The following ERCC6L2 variants were observed in gnomAD, a reference collection of about 807,000 sequenced individuals.
ERCC6L2 encodes the protein ERCC excision repair 6 like 2.
In ERCC6L2, 77 loss-of-function variants were observed where a neutral mutation model predicts 132.0. That is an observed-to-expected ratio of 0.58 (90% CI 0.49 to 0.71). The LOEUF (loss-of-function observed/expected upper bound fraction) is 0.71. ERCC6L2 is among the 30% of genes least tolerant of loss of function. The pLI, the probability that ERCC6L2 is intolerant of heterozygous loss-of-function variation, is 0.00. For synonymous variants in ERCC6L2, 583 were observed against 632.4 expected (o/e 0.92, Z 1.17); for missense variants, 1,542 against 1,837.6 (o/e 0.84, Z 2.94).
chr9:95,881,707 A>T (rs1290766019), intron 2 of ERCC6L2, among the ~76,000 whole-genome samples: 1 of 152,182 alleles, frequency 6.6e-6, no homozygotes, highest in East Asian at 1.9e-4. Context: ...ATCATGTTAG[A>T]AGTTTCTTAA....
At chr9:95,910,666 AGACCATTCACTTTGAAT>A (rs1329006332) in intron 4 of ERCC6L2, among the ~76,000 whole-genome samples, 1 of 152,172 alleles carries the variant, frequency 6.6e-6, no homozygotes, top group Non-Finnish European at 1.5e-5. Flanking sequence ...TTGGGTATTT[AGACCATTCACTTTGAAT>A]ATAATTATTG....
chr9:96,014,664 G>A lies in ERCC6L2; in HGVS notation c.*1461G>A, dbSNP rs1216774449. The A allele has an allele frequency of 6.6e-6, 1 of 152,202 alleles. No individual in the cohort carries two copies. Among genetic ancestry groups the A allele is most frequent in the South Asian group, 2.1e-4 (1 of 4,832 alleles). 9.4% of individuals were successfully genotyped at this position (152,202 alleles called of 1,614,324 possible). On this transcript the variant is annotated 3_prime_UTR_variant, in exon 19 of 19. Coordinates refer to ENST00000653738, the MANE Select transcript of ERCC6L2 (RefSeq NM_020207.7). ...TGTGTTAATCCTCTCACAACCCACT[G>A]AATTGAATTTCATGGCCCATGGTTA... is the stretch of plus-strand genomic sequence containing the variant.
At chr9:95,941,618 AG>A (rs1830806072) in intron 12 of ERCC6L2, 69 bp downstream of exon 12, 2 of 1,182,880 alleles carry the variant, frequency 1.7e-6, no homozygotes, top group Non-Finnish European at 2.5e-6. Flanking sequence ...TGAACTTTTA[AG>A]GTTGCTTATA....
chr9:96,015,333 G>A lies in ERCC6L2; in HGVS notation c.*2130G>A, dbSNP rs185533079. On this transcript the variant is annotated 3_prime_UTR_variant, in exon 19 of 19. Coordinates refer to ENST00000653738, the MANE Select transcript of ERCC6L2 (RefSeq NM_020207.7). The stretch of plus-strand genomic sequence containing the variant: ...CCCGAGTAGCTGGGACTACAGGTGC[G>A]TGCCACCACGCCCAGCTAATTTTTT... Among the ~76,000 whole-genome samples, 669 of 151,652 alleles carry A rather than the reference G, an allele frequency of 4.4e-3. 9 individuals carry two copies. Among genetic ancestry groups the A allele is most frequent in the African/African-American group, 0.015 (618 of 41,432 alleles).
At chr9:95,987,764 C>G (rs559824289) in intron 17 of ERCC6L2, among the ~76,000 whole-genome samples, 45 of 152,350 alleles carry the variant, frequency 3.0e-4, no homozygotes, top group African/African-American at 1.0e-3. Context: ...ATTGGGAACT[C>G]TGTGTGGGGA....
chr9:95,906,310 T>C (rs896513803), intron 3 of ERCC6L2, among the ~76,000 whole-genome samples: 3 of 152,140 alleles, frequency 2.0e-5, no homozygotes, highest in Non-Finnish European at 2.9e-5. Context: ...CTGGGAAATA[T>C]TCTAACATGC....
intron 12 of ERCC6L2, among the ~76,000 whole-genome samples, chr9:95,945,953 C>G (rs1831040342): frequency 6.6e-6 from 1 of 151,730 alleles, no homozygotes; most frequent in African/African-American, 2.4e-5. Flanking sequence ...CAGGTTTATG[C>G]TTATTATGAA....
intron 4 of ERCC6L2, among the ~76,000 whole-genome samples, chr9:95,913,895 A>G (rs1417092560): frequency 1.1e-4 from 17 of 152,208 alleles, no homozygotes; most frequent in Admixed American, 1.1e-3. Context: ...TATTTTGTCC[A>G]TTCACCAGCT....
At chr9:95,993,605 G>C (rs113977252) in intron 17 of ERCC6L2, among the ~76,000 whole-genome samples, 2 of 152,146 alleles carry the variant, frequency 1.3e-5, no homozygotes, top group Admixed American at 1.3e-4. Flanking sequence ...AAGTGATGCT[G>C]AATTTCCACA....
chr9:95,877,613 C>T (rs780870001), intron 1 of ERCC6L2, among the ~76,000 whole-genome samples: 17 of 152,000 alleles, frequency 1.1e-4, no homozygotes, highest in Admixed American at 1.3e-4. Flanking sequence ...TGAGGCCAGC[C>T]TGGACAACAT....
rs1177507899 is a variant in ERCC6L2, at chr9:95,897,920, G to GT, written c.548dup (p.Leu183PhefsTer33). 6.2e-7 allele frequency: 1 copy of GT among 1,612,288 alleles called. No homozygotes were observed. On this transcript the variant is annotated frameshift_variant, in exon 3 of 19. Coordinates refer to ENST00000653738, the MANE Select transcript of ERCC6L2 (RefSeq NM_020207.7). LOFTEE classifies it high-confidence loss of function. ...AGGATATTGAAAATAACATGCCAGA[G>GT]TTTTTACTAAGAAGTATGAAAAAGG...
intron 16 of ERCC6L2, among the ~76,000 whole-genome samples, chr9:95,973,734 C>T (rs535456304): frequency 6.6e-6 from 1 of 152,182 alleles, no homozygotes; most frequent in Non-Finnish European, 1.5e-5. Flanking sequence ...AGCTACAATT[C>T]AGGATGAGAT....
At chr9:95,879,611 C>T (rs1016277232) in intron 1 of ERCC6L2, among the ~76,000 whole-genome samples, 4 of 152,146 alleles carry the variant, frequency 2.6e-5, no homozygotes, top group Non-Finnish European at 5.9e-5. Context: ...CAGTTGTCAA[C>T]AGTTTGGGTC....
At chr9:95,940,297 A>T (rs146630799) in intron 11 of ERCC6L2, among the ~76,000 whole-genome samples, 44 of 152,138 alleles carry the variant, frequency 2.9e-4, no homozygotes, top group African/African-American at 9.6e-4. Context: ...TCAAGGCTAC[A>T]CCTTTCCTGG....
chr9:95,920,484 A>G (rs544625734), intron 6 of ERCC6L2, among the ~76,000 whole-genome samples: 55 of 152,312 alleles, frequency 3.6e-4, no homozygotes, highest in Admixed American at 1.7e-3. Context: ...CTTCCAGTCA[A>G]CAGTAGGCTA....
At chr9:95,911,918 A>G (rs1829358558) in intron 4 of ERCC6L2, among the ~76,000 whole-genome samples, 1 of 152,190 alleles carries the variant, frequency 6.6e-6, no homozygotes, top group South Asian at 2.1e-4. Context: ...GCTAAAGAAC[A>G]TGTTTATGCT....
At chr9:95,948,716 T>C (rs1387717579) in intron 12 of ERCC6L2, among the ~76,000 whole-genome samples, 2 of 151,070 alleles carry the variant, frequency 1.3e-5, no homozygotes, top group Non-Finnish European at 2.9e-5. Flanking sequence ...AGGTCTTCCT[T>C]ACCAGTTTGC....
chr9:95,879,119 C>T (rs1348152810), intron 1 of ERCC6L2, among the ~76,000 whole-genome samples: 1 of 151,666 alleles, frequency 6.6e-6, no homozygotes, highest in African/African-American at 2.4e-5. Flanking sequence ...ACAGTCCCAC[C>T]AACAGTGTAA....
intron 2 of ERCC6L2, among the ~76,000 whole-genome samples, chr9:95,894,743 C>T (rs912063528): frequency 1.3e-5 from 2 of 151,870 alleles, no homozygotes; most frequent in Non-Finnish European, 2.9e-5. Flanking sequence ...CACAGGCACA[C>T]GCCACCATGC....
Sources: allele counts gnomAD v4.1 joint callset (sites outside exome capture counted in the v4.1 genomes callset), GRCh38; gene constraint gnomAD v4.1.1; transcripts MANE v1.5; gene names NCBI Gene and HGNC (gene_info 2026-07-23, HGNC 2026-07-21).